RNF212: variants seen among roughly 807,000 people sequenced by gnomAD.
The protein encoded by RNF212 is probable E3 SUMO-protein ligase RNF212.
Under a neutral mutation model 34.7 loss-of-function variants are expected in RNF212, and 33 were observed. That is an observed-to-expected ratio of 0.95 (90% CI 0.72 to 1.27). The LOEUF (loss-of-function observed/expected upper bound fraction) is 1.27, where lower values mean the gene tolerates loss of function less well. RNF212 is among the 50% of genes most tolerant of loss of function. The pLI is 0.00. For missense variants in RNF212, 377 were observed against 362.2 expected (o/e 1.04, Z -0.33); for synonymous variants, 140 against 136.1 (o/e 1.03, Z -0.20).
rs1718784734 is a variant in RNF212, at chr4:1,073,614, G to T, written c.559C>A (p.Gln187Lys). ...PARISMISPP[Q>K]DGRMGPHLTA... ...TTTTACTTACCCATTCGTCCATCTT[G>T]AGGTGGACTAATCATGGAGATTCTC... Residue 187 changes from glutamine (Q) to lysine (K), a missense_variant, in exon 9 of 10, where the codon CAA (glutamine) becomes AAA (lysine). By Grantham distance (53) the Gln-to-Lys change is moderately conservative. Transcript: ENST00000433731. The T allele has an allele frequency of 6.2e-7, 1 of 1,608,152 alleles. No individual in the cohort carries two copies. The highest frequency in any genetic ancestry group is 1.7e-5 in the Admixed American group (1 of 59,938).
In RNF212 at chr4:1,073,595, T is replaced by C. The variant is rs904430886; in HGVS notation, c.574+4A>G. On this transcript the variant is annotated splice_donor_region_variant and intron_variant, in intron 9 of 9. Transcript: ENST00000433731. Reference sequence around the variant, plus strand: ...GGTCTGAGGTTACAGGACATTTTACTTACCCATTCGTCCATCTTGAGGTGG... The same window carrying C: ...GGTCTGAGGTTACAGGACATTTTACCTACCCATTCGTCCATCTTGAGGTGG... 6.3e-7 allele frequency: 1 copy of C among 1,593,060 alleles called. No homozygotes were observed. The highest frequency in any genetic ancestry group is 8.6e-7 in the Non-Finnish European group (1 of 1,160,956).
chr4:1,112,267 G>A (rs1338899534), intron 1 of RNF212, among the ~76,000 whole-genome samples: 1 of 152,148 alleles, frequency 6.6e-6, no homozygotes, highest in Non-Finnish European at 1.5e-5. Context: ...ACAGAAAGCG[G>A]CTTTGCTGTA....
intron 2 of RNF212, among the ~76,000 whole-genome samples, chr4:1,104,345 A>G (rs909936179): frequency 6.6e-6 from 1 of 152,172 alleles, no homozygotes. Context: ...TTGCCCATAC[A>G]ATAGTTCAAG....
At chr4:1,102,902 G>C (rs1374641414) in intron 2 of RNF212, among the ~76,000 whole-genome samples, 1 of 151,568 alleles carries the variant, frequency 6.6e-6, no homozygotes, top group Non-Finnish European at 1.5e-5. Context: ...AGCACTTTGG[G>C]AGGCCGAGGC....
In RNF212 at chr4:1,113,338, C is replaced by G; in HGVS notation, c.109+18G>C. ...CCGCTCCCCTCCCCTCTCCAGCCTG[C>G]GTTCGGGAAGCCCTGACCTTTGCCG... On this transcript the variant is annotated intron_variant, in intron 1 of 9. Transcript: ENST00000433731. The G allele has an allele frequency of 6.7e-7, 1 of 1,501,960 alleles. No homozygotes were observed. Among genetic ancestry groups the G allele is most frequent in the East Asian group, 2.9e-5 (1 of 34,674 alleles). The allele number at this position is 1,501,960 out of a possible 1,614,324, so 93.0% of individuals were successfully genotyped here. A position where few individuals can be genotyped will look rare whatever the true frequency, so the allele number is the denominator to read the frequency against.
chr4:1,113,607 G>GCTCGCGCCCTCCCGCCAAC, upstream of RNF212: 1 of 552,616 alleles, frequency 1.8e-6, no homozygotes, highest in Non-Finnish European at 3.0e-6. Flanking sequence ...GCGCACTGGA[G>GCTCGCGCCCTCCCGCCAAC]CTCGCGCCCT....
chr4:1,105,852 C>T (rs556928746), intron 2 of RNF212, among the ~76,000 whole-genome samples: 173 of 152,336 alleles, frequency 1.1e-3, no homozygotes, highest in Non-Finnish European at 2.1e-3. Context: ...AGCCTGTGGC[C>T]ATCTGGGAGG....
chr4:1,094,119 G>C, intron 3 of RNF212: 4 of 1,325,608 alleles, frequency 3.0e-6, no homozygotes, highest in Non-Finnish European at 4.0e-6. Flanking sequence ...ATGAAGGAGA[G>C]TGCCATGCAG....
At chr4:1,065,146 G>A (rs1718009836) in intron 3 of RNF212, among the ~76,000 whole-genome samples, 1 of 152,166 alleles carries the variant, frequency 6.6e-6, no homozygotes, top group South Asian at 2.1e-4. Flanking sequence ...ATCCTTTTGA[G>A]TACTGAATTG....
At chr4:1,112,579 T>C (rs1336335267) in intron 1 of RNF212, among the ~76,000 whole-genome samples, 1 of 151,864 alleles carries the variant, frequency 6.6e-6, no homozygotes, top group Non-Finnish European at 1.5e-5. Flanking sequence ...AGTCCTCCAC[T>C]GGCGTTAAGG....
At chr4:1,085,690 CTT>C in intron 5 of RNF212, 1 of 593,286 alleles carries the variant, frequency 1.7e-6, no homozygotes, top group Non-Finnish European at 3.0e-6. Flanking sequence ...CCATTCATCT[CTT>C]TTTCACTTTT....
intron 2 of RNF212, 37 bp from the exon 3 acceptor site, chr4:1,096,876 C>T (rs1371400762): frequency 1.4e-6 from 2 of 1,442,830 alleles, no homozygotes; most frequent in African/African-American, 2.8e-5. Context: ...TTTATTGTGT[C>T]TAATAAACGC....
In RNF212 at chr4:1,072,905, A is replaced by G. The variant is rs747829066; in HGVS notation, c.863T>C (p.Leu288Pro). Residue 288 changes from leucine to proline, a missense_variant, in exon 10 of 10, where the codon CTT becomes CCT. By Grantham distance (98) the Leu-to-Pro change is moderately conservative. Transcript: ENST00000433731. ...RTPAVSVVFP[L>P]CQFERKKSF ...TGACTTTTTCCTTTCAAATTGGCAAAGAGGAAACACAACAGACACAGCGGG... is the reference window on the plus strand; with the variant it reads ...TGACTTTTTCCTTTCAAATTGGCAAGGAGGAAACACAACAGACACAGCGGG... 1.2e-6 allele frequency: 2 copies of G among 1,612,614 alleles called. No homozygotes were observed. Among genetic ancestry groups the G allele is most frequent in the Non-Finnish European group, 1.7e-6 (2 of 1,179,140 alleles).
At chr4:1,058,290 A>AAGAAGGCGCTTGCGGGGGTTAGAACGCT (rs1560086786) in intron 4 of RNF212, 1 of 366,286 alleles carries the variant, frequency 2.7e-6, no homozygotes, top group African/African-American at 2.4e-5. Flanking sequence ...GTTAGAACGC[A>AAGAAGGCGCTTGCGGGGGTTAGAACGCT]GTGAAGAAGG....
intron 3 of RNF212, among the ~76,000 whole-genome samples, chr4:1,063,273 T>G (rs1383497405): frequency 6.6e-6 from 1 of 152,070 alleles, no homozygotes; most frequent in East Asian, 1.9e-4. Flanking sequence ...AAGAACAAAG[T>G]TGGAAAACTC....
upstream of RNF212, chr4:1,113,588 C>T (rs11736950): frequency 0.098 from 64,636 of 662,122 alleles, 3,888 homozygotes; most frequent in African/African-American, 0.23. Context: ...CGACGGCAGC[C>T]CTGCGCCCGC....
intron 1 of RNF212, among the ~76,000 whole-genome samples, chr4:1,110,581 C>T (rs1319951892): frequency 6.6e-6 from 1 of 152,138 alleles, no homozygotes; most frequent in Non-Finnish European, 1.5e-5. Flanking sequence ...AATGATGATA[C>T]AGACTTATTT....
chr4:1,104,354 A>C (rs921291795), intron 2 of RNF212, among the ~76,000 whole-genome samples: 2 of 152,242 alleles, frequency 1.3e-5, no homozygotes, highest in African/African-American at 2.4e-5. Context: ...CAATAGTTCA[A>C]GACCAGGCTC....
Position 1,062,694 on chromosome 4 carries a change from C to T in RNF212, n.148-4301G>A, listed in dbSNP as rs183404448. Among the ~76,000 whole-genome samples, 248 of 151,936 alleles carry T rather than the reference C, an allele frequency of 1.6e-3. 2 individuals carry two copies. The highest frequency in any genetic ancestry group is 0.014 in the Admixed American group (211 of 15,254). ...AACAAATGAAAGTCCTGCAGTGGGA[C>T]GGGAAGTGAAAAGATAAAAATAAAA... On this transcript the variant is annotated intron_variant and non_coding_transcript_variant, in intron 3 of 4. Transcript: ENST00000503206.
Sources: allele counts gnomAD v4.1 joint callset (sites outside exome capture counted in the v4.1 genomes callset), GRCh38; gene constraint gnomAD v4.1.1; transcripts MANE v1.5; gene names NCBI Gene and HGNC (gene_info 2026-07-23, HGNC 2026-07-21).